The following GRID2 variants were observed in gnomAD, a reference collection of about 807,000 sequenced individuals.
GRID2 encodes the protein glutamate receptor ionotropic, delta-2.
GRID2 carries 33 observed loss-of-function variants against 114.8 expected under a neutral mutation model. The ratio of observed to expected loss-of-function variants is 0.29; its 90% CI spans 0.22 to 0.38. The LOEUF is 0.38. Among genes scored for constraint, GRID2 ranks in the 10% least tolerant of loss-of-function variants. GRID2 has a pLI of 1.00. For synonymous variants in GRID2, 505 were observed against 449.9 expected (o/e 1.12, Z -1.55); for missense variants, 1,184 against 1,257.7 (o/e 0.94, Z 0.89).
At chr4:93,007,344 T>A (rs577814780) in intron 2 of GRID2, among the ~76,000 whole-genome samples, 75 of 151,308 alleles carry the variant, frequency 5.0e-4, no homozygotes, top group South Asian at 3.3e-3. Flanking sequence ...AAGGATATTT[T>A]AAAAAAAAAC....
At chr4:92,460,149 C>T (rs923518787) in intron 1 of GRID2, among the ~76,000 whole-genome samples, 5 of 148,018 alleles carry the variant, frequency 3.4e-5, no homozygotes, top group African/African-American at 1.3e-4. Flanking sequence ...ATAATTTGAA[C>T]AAACAAATAA....
intron 14 of GRID2, among the ~76,000 whole-genome samples, chr4:93,700,516 C>A (rs1349139996): frequency 6.6e-6 from 1 of 152,066 alleles, no homozygotes; most frequent in Non-Finnish European, 1.5e-5. Context: ...CATACTTCAT[C>A]ACTCATTTTT....
chr4:92,595,445 A>G lies in GRID2; in HGVS notation c.244+5159A>G, dbSNP rs968943100. ...ACAAAATAAATGATATTTTTAATAT[A>G]TATAAAAAAGTTGTAGTTAATAGAG... On this transcript the variant is annotated intron_variant, in intron 2 of 15. Coordinates refer to ENST00000282020, the MANE Select transcript of GRID2 (RefSeq NM_001510.4). 3.9e-5 allele frequency among the ~76,000 whole-genome samples: 6 copies of G among 152,086 alleles called. 1 individual carries two copies. The highest frequency in any genetic ancestry group is 2.6e-4 in the Admixed American group (4 of 15,244).
chr4:92,933,703 G>T (rs941735119), intron 2 of GRID2, among the ~76,000 whole-genome samples: 2 of 151,536 alleles, frequency 1.3e-5, no homozygotes, highest in African/African-American at 4.8e-5. Flanking sequence ...GAACTTCTGA[G>T]TAAAATTGAG....
intron 8 of GRID2, among the ~76,000 whole-genome samples, chr4:93,312,107 TCTTC>T (rs1756083122): frequency 6.6e-6 from 1 of 152,282 alleles, no homozygotes; most frequent in African/African-American, 2.4e-5. Flanking sequence ...CTCTGTGATT[TCTTC>T]CTTCCTTCCT....
intron 8 of GRID2, among the ~76,000 whole-genome samples, chr4:93,250,121 T>C (rs1420305323): frequency 6.6e-6 from 1 of 151,990 alleles, no homozygotes; most frequent in Admixed American, 6.6e-5. Context: ...ATAGACTGGA[T>C]AAAGAAAATG....
At chr4:93,571,461 T>G (rs1735926359) in intron 13 of GRID2, among the ~76,000 whole-genome samples, 1 of 152,086 alleles carries the variant, frequency 6.6e-6, no homozygotes, top group Admixed American at 6.6e-5. Context: ...CTAACTTTCA[T>G]TTGAGTAGTG....
At position 93,772,365 on chromosome 4, in the gene GRID2, C is replaced by G; in HGVS notation, c.2891C>G (p.Pro964Arg). The change falls in exon 16 of 16, where the codon CCT (proline) becomes CGT (arginine). Residue 964 changes from proline to arginine, a missense_variant. Coordinates refer to ENST00000282020, the MANE Select transcript of GRID2 (RefSeq NM_001510.4). ...FGNVPEHRTG[P>R]FRHRAPNGGF... ...AACGTGCCTGAGCACCGAACTGGCC[C>G]TTTTAGGCACAGGGCACCTAATGGG... is the stretch of plus-strand genomic sequence containing the variant. The G allele has an allele frequency of 6.2e-7, 1 of 1,614,096 alleles. No homozygotes were observed. Among genetic ancestry groups the G allele is most frequent in the Non-Finnish European group, 8.5e-7 (1 of 1,180,006 alleles).
chr4:93,034,373 A>C (rs1327168114), intron 2 of GRID2, among the ~76,000 whole-genome samples: 1 of 152,186 alleles, frequency 6.6e-6, no homozygotes, highest in Non-Finnish European at 1.5e-5. Context: ...ATTTTTTCTA[A>C]AACTAGGCTT....
rs1456628363 is a variant in GRID2 at position 93,234,292 on chromosome 4, G to GTTCA, written c.1126-4078_1126-4075dup. 2.0e-5 allele frequency among the ~76,000 whole-genome samples: 3 copies of GTTCA among 152,046 alleles called. No homozygotes were observed. In the East Asian group the frequency reaches 5.8e-4, roughly 30 times the overall value. ...ACTGGAATAGATTTAATTTAATTCA[G>GTTCA]TTCAACATGCCCTTCTGAGCAATTC... On this transcript the variant is annotated intron_variant, in intron 7 of 15. Transcript: ENST00000282020.
intron 2 of GRID2, among the ~76,000 whole-genome samples, chr4:93,076,092 C>A (rs1224226412): frequency 6.6e-6 from 1 of 151,580 alleles, no homozygotes; most frequent in Non-Finnish European, 1.5e-5. Context: ...TTAGTAGAGA[C>A]GGGTTTCACC....
intron 14 of GRID2, among the ~76,000 whole-genome samples, chr4:93,629,976 C>T (rs1265103689): frequency 6.6e-6 from 1 of 152,088 alleles, no homozygotes; most frequent in Admixed American, 6.6e-5. Context: ...TGAGTCTGCA[C>T]CTGGACAAGC....
intron 4 of GRID2, among the ~76,000 whole-genome samples, chr4:93,200,083 C>CA (rs1342791733): frequency 6.6e-6 from 1 of 152,126 alleles, no homozygotes; most frequent in Non-Finnish European, 1.5e-5. Context: ...AACACTCAGG[C>CA]AACTGGATAT....
intron 3 of GRID2, among the ~76,000 whole-genome samples, chr4:93,092,867 C>CAT (rs1396191079): frequency 2.0e-5 from 3 of 151,876 alleles, no homozygotes; most frequent in Non-Finnish European, 4.4e-5. Flanking sequence ...CACACACACA[C>CAT]ATATATATGT....
chr4:92,399,657 C>A (rs1730684696), intron 1 of GRID2, among the ~76,000 whole-genome samples: 1 of 139,428 alleles, frequency 7.2e-6, no homozygotes, highest in Non-Finnish European at 1.5e-5. Flanking sequence ...CTCTCTCTCT[C>A]TCTCTCTCTA....
intron 13 of GRID2, among the ~76,000 whole-genome samples, chr4:93,602,665 A>C (rs1162767674): frequency 6.6e-6 from 1 of 152,198 alleles, no homozygotes; most frequent in Non-Finnish European, 1.5e-5. Flanking sequence ...CAGTTTACTC[A>C]TTTCTCTTCC....
intron 2 of GRID2, among the ~76,000 whole-genome samples, chr4:92,653,499 T>A (rs1732077094): frequency 6.6e-6 from 1 of 152,028 alleles, no homozygotes; most frequent in African/African-American, 2.4e-5. Context: ...GTTCATCGTC[T>A]GGTTTTCCCC....
intron 2 of GRID2, among the ~76,000 whole-genome samples, chr4:92,906,713 G>T (rs1457787969): frequency 2.6e-5 from 4 of 152,044 alleles, no homozygotes; most frequent in African/African-American, 9.7e-5. Flanking sequence ...CCACCTCCTG[G>T]GTTCAAGCGA....
At chr4:93,708,563 G>A (rs1412616160) in intron 14 of GRID2, among the ~76,000 whole-genome samples, 2 of 151,758 alleles carry the variant, frequency 1.3e-5, no homozygotes, top group Non-Finnish European at 2.9e-5. Flanking sequence ...ATCTCTATAG[G>A]CGAAGTGTGT....
Sources: allele counts gnomAD v4.1 joint callset (sites outside exome capture counted in the v4.1 genomes callset), GRCh38; gene constraint gnomAD v4.1.1; transcripts MANE v1.5; gene names NCBI Gene and HGNC (gene_info 2026-07-23, HGNC 2026-07-21).